The following TECPR1 variants were observed in gnomAD, a reference collection of about 807,000 sequenced individuals.
TECPR1 encodes tectonin beta-propeller repeat-containing protein 1.
TECPR1 carries 122 observed loss-of-function variants against 162.4 expected under a neutral mutation model. The ratio of observed to expected loss-of-function variants is 0.75; its 90% CI spans 0.65 to 0.87. The LOEUF (loss-of-function observed/expected upper bound fraction) is 0.87, where lower values mean the gene tolerates loss of function less well. Among genes scored for constraint, TECPR1 ranks in the 40% least tolerant of loss-of-function variants. The pLI is 0.00. For missense variants in TECPR1, 1,432 were observed against 1,618.2 expected, an observed-to-expected ratio of 0.88 and a Z score of 1.97; for synonymous variants, 642 against 670.6, an observed-to-expected ratio of 0.96 and a Z score of 0.66.
intron 2 of TECPR1, among the ~76,000 whole-genome samples, chr7:98,248,259 C>T (rs1798964278): frequency 6.6e-6 from 1 of 152,174 alleles, no homozygotes; most frequent in African/African-American, 2.4e-5. Flanking sequence ...GGGCCATCAC[C>T]TGAGAAGCTC....
At chr7:98,224,967 G>A in intron 18 of TECPR1, 39 bp downstream of exon 18, 3 of 1,538,004 alleles carry the variant, frequency 2.0e-6, no homozygotes, top group Non-Finnish European at 2.6e-6. Context: ...GGGGTGGGAG[G>A]GCGGATTCCC....
intron 17 of TECPR1, among the ~76,000 whole-genome samples, chr7:98,225,462 G>A (rs1215799651): frequency 6.6e-6 from 1 of 152,078 alleles, no homozygotes; most frequent in Non-Finnish European, 1.5e-5. Context: ...TTGAACCCGG[G>A]AGGCGGAGGT....
At chr7:98,235,832 A>AC (rs375641622) in intron 10 of TECPR1, among the ~76,000 whole-genome samples, 61,624 of 93,068 alleles carry the variant, frequency 0.66, 18,204 homozygotes, top group East Asian at 0.82. Context: ...TGTCTCAAAA[A>AC]AAAAAAAAAA....
chr7:98,248,318 C>A (rs1798966120), intron 2 of TECPR1, among the ~76,000 whole-genome samples: 1 of 151,756 alleles, frequency 6.6e-6, no homozygotes, highest in Admixed American at 6.6e-5. Flanking sequence ...TGGCCCGGGG[C>A]CTGAAGAGAG....
In TECPR1 at chr7:98,246,152, C is replaced by T. The variant is rs1192200744; in HGVS notation, c.-6G>A. The T allele has an allele frequency of 1.2e-5, 18 of 1,537,768 alleles. No homozygotes were observed. The highest frequency in any genetic ancestry group is 3.6e-5 in the South Asian group (3 of 83,788). ...CACAGCACTGAGTTGGGCATGGCAG[C>T]GGCTGGAGGTAACCTGCGGCAGGAG... On this transcript the variant is annotated 5_prime_UTR_variant, in exon 3 of 26. Transcript: ENST00000447648.
rs1798756807 is a variant in TECPR1 at position 98,241,811 on chromosome 7, C to T, written c.658-567G>A. Among the ~76,000 whole-genome samples the T allele has an allele frequency of 6.6e-5, 10 of 152,284 alleles. No homozygotes were observed. The South Asian group carries it at 2.1e-3, about 32-fold the overall frequency. ...CCCAGCCTCCCAATCCTGCCACCAT[C>T]CCCCTACAGCAGGCCCTGCAGGACC... On this transcript the variant is annotated intron_variant, in intron 6 of 25. Coordinates refer to ENST00000447648, the MANE Select transcript of TECPR1 (RefSeq NM_015395.3). The surrounding 1 kb of genome is among the most constrained non-coding windows in gnomAD (Gnocchi z 5.0).
intron 16 of TECPR1, 146 bp from the exon 17 acceptor site, chr7:98,228,262 C>A: frequency 1.5e-6 from 1 of 672,318 alleles, no homozygotes; most frequent in South Asian, 1.7e-5. Context: ...TCCTGTTGAG[C>A]TTATCGCACG....
At chr7:98,245,822 G>A in intron 3 of TECPR1, 100 bp downstream of exon 3, 1 of 1,084,074 alleles carries the variant, frequency 9.2e-7, no homozygotes, top group East Asian at 2.6e-5. Flanking sequence ...AGGAACTGGT[G>A]GGGAATCTGG....
chr7:98,237,565 T>C (rs1330387978), intron 9 of TECPR1, among the ~76,000 whole-genome samples: 1 of 152,142 alleles, frequency 6.6e-6, no homozygotes, highest in African/African-American at 2.4e-5. Flanking sequence ...GCCTCCCAGC[T>C]TCAACCGATT....
rs367723706 is a variant in TECPR1, at chr7:98,244,608, C to T, written c.494G>A (p.Arg165Gln). The change falls in exon 5 of 26, where the codon CGG becomes CAG. Residue 165 changes from arginine to glutamine, a missense_variant. Coordinates refer to ENST00000447648, the MANE Select transcript of TECPR1 (RefSeq NM_015395.3). ...NSCVRRRKWI[R>Q]YRRYKSRDIW... ...GTCCCGGGACTTGTATCTCCTGTAC[C>T]GGATCCACTTCCGGCGCCGCACACA... 4.7e-5 allele frequency: 76 copies of T among 1,612,990 alleles called. No individual in the cohort carries two copies. The highest frequency in any genetic ancestry group is 1.2e-4 in the Admixed American group (7 of 59,976).
At position 98,216,021 on chromosome 7, in the gene TECPR1, T is replaced by C. The variant is rs1165080014; in HGVS notation, c.*1369A>G. 6.6e-6 allele frequency: 1 copy of C among 152,230 alleles called. No homozygotes were observed. The highest frequency in any genetic ancestry group is 2.4e-5 in the African/African-American group (1 of 41,436). The allele number at this position is 152,230 out of a possible 1,614,324, so 9.4% of individuals were successfully genotyped here. A position where few individuals can be genotyped will look rare whatever the true frequency, so the allele number is the denominator to read the frequency against. The stretch of plus-strand genomic sequence containing the variant: ...CTAGGAAGGTCAGGTGGTGGTGAAG[T>C]CATCCCCTCTCCAACCGAGCAGAGC... On this transcript the variant is annotated 3_prime_UTR_variant, in exon 26 of 26. Transcript: ENST00000447648.
At chr7:98,244,491 G>A in intron 5 of TECPR1, 80 bp downstream of exon 5, 3 of 1,520,344 alleles carry the variant, frequency 2.0e-6, no homozygotes, top group South Asian at 1.3e-5. Context: ...GCACACAGGT[G>A]GGGAAGGTGG....
intron 10 of TECPR1, among the ~76,000 whole-genome samples, chr7:98,235,849 A>AAAAAAAAAAAAAAAAAAAAAAAAATAAC: frequency 9.1e-6 from 1 of 110,258 alleles, no homozygotes; most frequent in Non-Finnish European, 2.1e-5. Flanking sequence ...AAAAAAAAAA[A>AAAAAAAAAAAAAAAAAAAAAAAAATAAC]AACACCATCT....
chr7:98,245,134 G>A (rs1798872551), intron 3 of TECPR1, 67 bp from the exon 4 acceptor site: 1 of 1,518,996 alleles, frequency 6.6e-7, no homozygotes, highest in African/African-American at 1.4e-5. Flanking sequence ...AGGCGGGCCA[G>A]GCATCTCCAG....
At chr7:98,243,961 G>A (rs1798835067) in intron 5 of TECPR1, among the ~76,000 whole-genome samples, 1 of 152,232 alleles carries the variant, frequency 6.6e-6, no homozygotes, top group Admixed American at 6.5e-5. Context: ...TACTAGGGAG[G>A]CTGAGGTGGG....
chr7:98,246,558 CGT>C (rs1300614484), intron 2 of TECPR1, among the ~76,000 whole-genome samples: 2 of 151,886 alleles, frequency 1.3e-5, no homozygotes, highest in African/African-American at 4.8e-5. Flanking sequence ...AGCCACCGCG[CGT>C]GGCCAACTGC....
At chr7:98,226,503 G>C in intron 17 of TECPR1, 4 of 1,024,116 alleles carry the variant, frequency 3.9e-6, no homozygotes, top group Non-Finnish European at 3.5e-6. Context: ...CCCCCAACAC[G>C]GACACACAGT....
intron 17 of TECPR1, among the ~76,000 whole-genome samples, chr7:98,227,218 C>T (rs1486828821): frequency 6.6e-6 from 1 of 151,102 alleles, no homozygotes; most frequent in African/African-American, 2.4e-5. Context: ...ATGGTGAAAC[C>T]CCGTCTCTAC....
intron 20 of TECPR1, 150 bp from the exon 21 acceptor site, chr7:98,223,320 C>CCCCATCCAGG: frequency 4.1e-6 from 3 of 734,490 alleles, no homozygotes; most frequent in Non-Finnish European, 6.6e-6. Flanking sequence ...CCACCCCCAC[C>CCCCATCCAGG]CCCATCCAGG....
Sources: gnomAD v4.1 joint callset for allele counts (sites outside exome capture counted in the v4.1 genomes callset) on GRCh38, gnomAD v4.1.1 for gene constraint, Gnocchi (gnomAD v3.1) non-coding constraint, MANE v1.5 for transcripts, NCBI Gene and HGNC (gene_info 2026-07-23, HGNC 2026-07-21) for gene names.